The following RTKN2 variants were observed in gnomAD, a reference collection of about 807,000 sequenced individuals.
RTKN2 encodes the protein rhotekin 2, also known as rhotekin-2.
Under a neutral mutation model 71.5 loss-of-function variants are expected in RTKN2, and 69 were observed. That is an observed-to-expected ratio of 0.96 (90% CI 0.79 to 1.18). The LOEUF is 1.18. RTKN2 is among the 50% of genes most tolerant of loss of function. The pLI, the probability that RTKN2 is intolerant of heterozygous loss-of-function variation, is 0.00. For missense variants in RTKN2, 724 were observed against 719.7 expected (o/e 1.01, Z -0.07); for synonymous variants, 236 against 236.5 (o/e 1.00, Z 0.02).
intron 9 of RTKN2, among the ~76,000 whole-genome samples, chr10:62,206,935 T>C (rs74592878): frequency 0.015 from 2,328 of 152,040 alleles, 28 homozygotes; most frequent in Non-Finnish European, 0.025. Context: ...ACTTAAGCTC[T>C]AGGAAGAATC....
At chr10:62,263,512 C>T (rs1842814814) in intron 1 of RTKN2, among the ~76,000 whole-genome samples, 1 of 152,120 alleles carries the variant, frequency 6.6e-6, no homozygotes, top group Admixed American at 6.5e-5. Flanking sequence ...AGAAAACATA[C>T]AATAACTAAT....
Position 62,196,302 on chromosome 10 carries a change from T to C in RTKN2, c.*1606A>G, listed in dbSNP as rs73281910. On this transcript the variant is annotated 3_prime_UTR_variant, in exon 12 of 12. Transcript: ENST00000373789. ...GTTTACTTTTTAAGGTTTCCATACA[T>C]GTGATGATCTCTACATGCTATCAAG... The C allele has an allele frequency of 5.8e-3, 5,714 of 983,734 alleles. 260 individuals are homozygous for C. In the African/African-American group the frequency reaches 0.094, roughly 16 times the overall value. 60.9% of individuals were successfully genotyped at this position (983,734 alleles called of 1,614,324 possible).
At position 62,196,835 on chromosome 10, in the gene RTKN2, G is replaced by T; in HGVS notation, c.*1073C>A. ...AAAATGGATTTTTTGTTCCTTTAAG[G>T]TATTTTTCTGCTATTTATTCCTCAC... On this transcript the variant is annotated 3_prime_UTR_variant, in exon 12 of 12. Coordinates refer to ENST00000373789, the MANE Select transcript of RTKN2 (RefSeq NM_145307.4). 2 of 977,390 alleles carry T rather than the reference G, an allele frequency of 2.0e-6. No homozygotes were observed. The highest frequency in any genetic ancestry group is 2.4e-6 in the Non-Finnish European group (2 of 822,858). 60.5% of individuals were successfully genotyped at this position (977,390 alleles called of 1,614,324 possible). A position where few individuals can be genotyped will look rare whatever the true frequency, so the allele number is the denominator to read the frequency against.
At chr10:62,264,598 A>C (rs897402040) in intron 1 of RTKN2, among the ~76,000 whole-genome samples, 2 of 152,218 alleles carry the variant, frequency 1.3e-5, no homozygotes, top group Non-Finnish European at 2.9e-5. Flanking sequence ...GAGCAACCTA[A>C]AGCTGGGATG....
intron 9 of RTKN2, among the ~76,000 whole-genome samples, chr10:62,215,450 G>T (rs1476712552): frequency 6.6e-6 from 1 of 151,928 alleles, no homozygotes; most frequent in Non-Finnish European, 1.5e-5. Flanking sequence ...TCCTTGATGA[G>T]GTCCTGGATC....
Position 62,194,434 on chromosome 10 carries a change from C to CT in RTKN2, c.*3473dup, listed in dbSNP as rs1273794194. ...TTAAGACTAACAGTGAAGATGGCTA[C>CT]TAGAATATAAATGGTCATCAGTTAA... On this transcript the variant is annotated 3_prime_UTR_variant, in exon 12 of 12. Transcript: ENST00000373789. The CT allele has an allele frequency of 4.1e-6, 4 of 976,394 alleles. No homozygotes were observed. In the African/African-American group the frequency reaches 5.3e-5, roughly 13 times the overall value. The allele number at this position is 976,394 out of a possible 1,614,324, so 60.5% of individuals were successfully genotyped here.
At chr10:62,246,088 G>T (rs1455064539) in intron 2 of RTKN2, 31 bp from the exon 3 acceptor site, 12 of 1,409,102 alleles carry the variant, frequency 8.5e-6, no homozygotes, top group African/African-American at 2.9e-5. Context: ...ATGGAAAAAA[G>T]ATCTTTTCTA....
chr10:62,243,288 T>C (rs1267041679), intron 3 of RTKN2, among the ~76,000 whole-genome samples: 1 of 152,120 alleles, frequency 6.6e-6, no homozygotes, highest in Admixed American at 6.5e-5. Context: ...TTAAATTATA[T>C]TGGCATAACA....
intron 2 of RTKN2, among the ~76,000 whole-genome samples, chr10:62,252,941 T>TA (rs1473200003): frequency 1.3e-5 from 2 of 152,052 alleles, no homozygotes; most frequent in Non-Finnish European, 2.9e-5. Context: ...GACCACATAG[T>TA]AAAAGACTAA....
At chr10:62,186,531 ATAG>A (rs1841139213) in intron 8 of RTKN2, among the ~76,000 whole-genome samples, 1 of 135,588 alleles carries the variant, frequency 7.4e-6, no homozygotes, top group African/African-American at 2.7e-5. Context: ...CGTGTGTCCT[ATAG>A]AGAAGCTTCT....
chr10:62,236,260 A>G lies in RTKN2; in HGVS notation c.492T>C (p.Asn164=), dbSNP rs1842257348. ...DICFENVTIF[N]EAGPDFQIKV... ...TTATCTGAAAGTCTGGCCCTGCTTC[A>G]TTACTAAAAACAAGGGCATTCATAA... The change falls in exon 6 of 12, where the codon AAT becomes AAC. Residue 164 remains asparagine, a synonymous_variant. Coordinates refer to ENST00000373789, the MANE Select transcript of RTKN2 (RefSeq NM_145307.4). 2 of 1,596,252 alleles carry G rather than the reference A, an allele frequency of 1.3e-6. No individual in the cohort carries two copies. The highest frequency in any genetic ancestry group is 1.7e-6 in the Non-Finnish European group (2 of 1,168,778).
At chr10:62,228,707 C>A (rs1248673989) in intron 6 of RTKN2, among the ~76,000 whole-genome samples, 2 of 152,094 alleles carry the variant, frequency 1.3e-5, no homozygotes, top group African/African-American at 4.8e-5. Context: ...CTGTGAGTAA[C>A]TGAGAAGTGG....
exon 9 of RTKN2, chr10:62,184,226 C>T (rs182994396): frequency 9.0e-5 from 66 of 737,294 alleles, no homozygotes; most frequent in Middle Eastern, 3.7e-4. Context: ...GAAGGAGACG[C>T]GTTGTCTTTT....
At chr10:62,262,888 C>A in intron 1 of RTKN2, 67 bp from the exon 2 acceptor site, 7 of 921,982 alleles carry the variant, frequency 7.6e-6, no homozygotes, top group Non-Finnish European at 1.1e-5. Flanking sequence ...CATAATAGAT[C>A]GAAAATAGGT....
chr10:62,199,581 G>C (rs563094595), intron 11 of RTKN2, among the ~76,000 whole-genome samples, 173 bp downstream of exon 11: 2 of 152,016 alleles, frequency 1.3e-5, no homozygotes, highest in Non-Finnish European at 2.9e-5. Flanking sequence ...TCATTATTTT[G>C]TATTAATTCA....
At chr10:62,227,255 G>T (rs572592030) in intron 6 of RTKN2, among the ~76,000 whole-genome samples, 1 of 152,218 alleles carries the variant, frequency 6.6e-6, no homozygotes, top group South Asian at 2.1e-4. Context: ...ATATATAATT[G>T]TATCAAGCCC....
In RTKN2 at chr10:62,195,651, G is replaced by A. The variant is rs958526589; in HGVS notation, c.*2257C>T. The A allele has an allele frequency of 1.3e-6, 1 of 792,490 alleles. No individual in the cohort carries two copies. The highest frequency in any genetic ancestry group is 2.1e-5 in the African/African-American group (1 of 47,430). 49.1% of individuals were successfully genotyped at this position (792,490 alleles called of 1,614,324 possible). A position where few individuals can be genotyped will look rare whatever the true frequency, so the allele number is the denominator to read the frequency against. On this transcript the variant is annotated 3_prime_UTR_variant, in exon 12 of 12. Coordinates refer to ENST00000373789, the MANE Select transcript of RTKN2 (RefSeq NM_145307.4). ...GGAAGGAAGGAAGGAAGGAAGGAAG[G>A]AAGGAAGGAAGGAAGGAAGGAAACC...
chr10:62,184,112 A>G (rs1172359528), exon 9 of RTKN2: 4 of 459,090 alleles, frequency 8.7e-6, no homozygotes, highest in South Asian at 4.2e-5. Context: ...CTGAATGGAA[A>G]ATAAACATGG....
intron 8 of RTKN2, among the ~76,000 whole-genome samples, chr10:62,217,734 CA>C (rs1251669429): frequency 6.6e-6 from 1 of 152,146 alleles, no homozygotes; most frequent in African/African-American, 2.4e-5. Context: ...GCTATTGATT[CA>C]TTGAAGTTCA....
Sources: allele counts gnomAD v4.1 joint callset (sites outside exome capture counted in the v4.1 genomes callset), GRCh38; gene constraint gnomAD v4.1.1; transcripts MANE v1.5; gene names NCBI Gene and HGNC (gene_info 2026-07-23, HGNC 2026-07-21).